Variants in TASP1 observed in about 807,000 individuals in gnomAD.
The protein encoded by TASP1 is threonine aspartase 1.
In TASP1, 16 loss-of-function variants were observed where a neutral mutation model predicts 56.6. The observed-to-expected ratio is 0.28, with a 90% CI of 0.19 to 0.43. The LOEUF is 0.43. TASP1 is among the 20% of genes least tolerant of loss of function. TASP1 has a pLI of 1.00. For missense variants in TASP1, 393 were observed against 511.6 expected (o/e 0.77, Z 2.24); for synonymous variants, 179 against 184.2 (o/e 0.97, Z 0.23).
chr20:13,137,979 G>A, the TASP1 span, among the ~76,000 whole-genome samples: 4 of 152,120 alleles, frequency 2.6e-5, no homozygotes, highest in Admixed American at 1.3e-4. Context: ...TCTGGACTCA[G>A]AACAGCTTGG....
chr20:13,591,860 G>A (rs2047543664), intron 4 of TASP1, among the ~76,000 whole-genome samples: 1 of 151,906 alleles, frequency 6.6e-6, no homozygotes, highest in South Asian at 2.1e-4. Flanking sequence ...TATACATGAA[G>A]GCCTATAATA....
chr20:13,459,510 A>T (rs558046186), intron 11 of TASP1, among the ~76,000 whole-genome samples: 6 of 152,234 alleles, frequency 3.9e-5, no homozygotes, highest in African/African-American at 1.4e-4. Context: ...TGCACCCATA[A>T]ACCAAACTTT....
At chr20:13,346,553 T>C in the TASP1 span, among the ~76,000 whole-genome samples, 1 of 152,186 alleles carries the variant, frequency 6.6e-6, no homozygotes, top group African/African-American at 2.4e-5. Flanking sequence ...CCCACAGCAC[T>C]ATGCTAGCAG....
the TASP1 span, among the ~76,000 whole-genome samples, chr20:13,323,351 A>T: frequency 6.6e-6 from 1 of 152,196 alleles, no homozygotes; most frequent in Non-Finnish European, 1.5e-5. Context: ...GCAAGGCAAG[A>T]AAGTTGGAAT....
the TASP1 span, among the ~76,000 whole-genome samples, chr20:13,237,099 T>C: frequency 6.6e-6 from 1 of 152,136 alleles, no homozygotes; most frequent in Non-Finnish European, 1.5e-5. Flanking sequence ...AAGAGGTTCT[T>C]CATGAGGACC....
the TASP1 span, chr20:13,288,635 G>A: frequency 5.0e-5 from 80 of 1,613,898 alleles, no homozygotes; most frequent in Middle Eastern, 3.3e-4. Flanking sequence ...TTGTGGCTAC[G>A]CGTGCACTGC....
At chr20:13,298,769 G>C in the TASP1 span, among the ~76,000 whole-genome samples, 1 of 152,130 alleles carries the variant, frequency 6.6e-6, no homozygotes, top group East Asian at 1.9e-4. Context: ...ATGGTGCCAG[G>C]GGGCTGCAGG....
At chr20:13,373,147 C>A in the TASP1 span, among the ~76,000 whole-genome samples, 4 of 151,884 alleles carry the variant, frequency 2.6e-5, no homozygotes, top group African/African-American at 9.7e-5. Flanking sequence ...CATCTAGTAT[C>A]ATTTCCTCAC....
At chr20:13,211,605 T>G in the TASP1 span, among the ~76,000 whole-genome samples, 1 of 152,190 alleles carries the variant, frequency 6.6e-6, no homozygotes, top group African/African-American at 2.4e-5. Flanking sequence ...CTTCTTTCTC[T>G]CTCTGTTTTA....
intron 11 of TASP1, among the ~76,000 whole-genome samples, chr20:13,473,587 G>A (rs1346474585): frequency 6.6e-6 from 1 of 151,990 alleles, no homozygotes; most frequent in Admixed American, 6.6e-5. Context: ...TTTTCCAGTT[G>A]TAATTATACC....
chr20:13,606,604 G>A (rs1166203575), intron 4 of TASP1, among the ~76,000 whole-genome samples: 3 of 151,930 alleles, frequency 2.0e-5, no homozygotes, highest in Non-Finnish European at 4.4e-5. Context: ...TCAGGAGATC[G>A]AGACCATCCT....
chr20:13,527,084 A>G (rs891530746), intron 10 of TASP1, among the ~76,000 whole-genome samples: 4 of 152,314 alleles, frequency 2.6e-5, no homozygotes, highest in East Asian at 1.9e-4. Flanking sequence ...GAGAAAGCAC[A>G]GAATTCACCA....
chr20:13,559,052 T>C lies in TASP1; in HGVS notation c.631A>G (p.Thr211Ala), dbSNP rs771972384. 1.5e-5 allele frequency: 24 copies of C among 1,598,014 alleles called. No individual in the cohort carries two copies. In the Admixed American group the frequency reaches 2.4e-4, roughly 16 times the overall value. Residue 211 changes from threonine to alanine, a missense_variant, in exon 8 of 14, where the codon ACA becomes GCA. By Grantham distance (58) the Thr-to-Ala change is moderately conservative. Transcript: ENST00000337743. ...RKLELAERVDTDFMQLKKRRQ... is the reference protein window; with the variant it reads ...RKLELAERVDADFMQLKKRRQ... ...CTTTTCTTTAGTTGCATAAAATCTG[T>C]GTCCACCCTTTCTGCCAGCTCTAGT... is the stretch of plus-strand genomic sequence containing the variant.
chr20:13,216,884 C>G, the TASP1 span, among the ~76,000 whole-genome samples: 1 of 152,046 alleles, frequency 6.6e-6, no homozygotes, highest in Non-Finnish European at 1.5e-5. Flanking sequence ...TTTTTATGGG[C>G]TAGATCTGAA....
the TASP1 span, among the ~76,000 whole-genome samples, chr20:13,148,437 A>G: frequency 7.2e-5 from 11 of 152,126 alleles, no homozygotes; most frequent in African/African-American, 2.7e-4. Context: ...GTCGACAGGG[A>G]GGTTGATCTT....
At chr20:13,119,516 A>C in the TASP1 span, among the ~76,000 whole-genome samples, 302 of 152,326 alleles carry the variant, frequency 2.0e-3, no homozygotes, top group African/African-American at 7.0e-3. Context: ...ATTTACATTA[A>C]TCGGGATGCA....
the TASP1 span, among the ~76,000 whole-genome samples, chr20:13,329,486 G>A: frequency 6.6e-6 from 1 of 152,146 alleles, no homozygotes; most frequent in Non-Finnish European, 1.5e-5. Flanking sequence ...ATTTCTATTG[G>A]TCAAGCCACT....
At chr20:13,584,380 T>C (rs2047229580) in intron 5 of TASP1, among the ~76,000 whole-genome samples, 1 of 152,114 alleles carries the variant, frequency 6.6e-6, no homozygotes, top group Non-Finnish European at 1.5e-5. Context: ...TCCAATATGA[T>C]TAAGGACATT....
chr20:13,589,973 T>C (rs963140002), intron 4 of TASP1, among the ~76,000 whole-genome samples: 1 of 152,218 alleles, frequency 6.6e-6, no homozygotes, highest in African/African-American at 2.4e-5. Flanking sequence ...GGCTCACACC[T>C]GTAATCCCAG....
Sources: allele counts gnomAD v4.1 joint callset (sites outside exome capture counted in the v4.1 genomes callset), GRCh38; gene constraint gnomAD v4.1.1; transcripts MANE v1.5; gene names NCBI Gene and HGNC (gene_info 2026-07-23, HGNC 2026-07-21).